BCAS4: variants seen among roughly 807,000 people sequenced by gnomAD.
BCAS4 encodes breast carcinoma-amplified sequence 4.
Under a neutral mutation model 15.7 loss-of-function variants are expected in BCAS4, and 9 were observed. The ratio of observed to expected loss-of-function variants is 0.57; its 90% CI spans 0.34 to 1.00. The LOEUF is 1.00. Among genes scored for constraint, BCAS4 ranks in the 50% least tolerant of loss-of-function variants. The pLI is 0.02. For synonymous variants in BCAS4, 101 were observed against 99.5 expected, an observed-to-expected ratio of 1.02 and a Z score of -0.09; for missense variants, 225 against 239.1, an observed-to-expected ratio of 0.94 and a Z score of 0.39.
intron 1 of BCAS4, among the ~76,000 whole-genome samples, chr20:50,810,890 A>ACC (rs927136183): frequency 1.3e-5 from 2 of 152,076 alleles, no homozygotes; most frequent in African/African-American, 4.8e-5. Flanking sequence ...ATGCCCGGCC[A>ACC]TGAAAAAAAT....
intron 1 of BCAS4, among the ~76,000 whole-genome samples, chr20:50,809,426 C>A (rs2088033924): frequency 6.6e-6 from 1 of 152,094 alleles, no homozygotes; most frequent in Non-Finnish European, 1.5e-5. Flanking sequence ...CCAGGTTAGT[C>A]TTGAACTCCT....
chr20:50,837,598 G>A (rs1568669983), intron 3 of BCAS4, among the ~76,000 whole-genome samples: 2 of 152,202 alleles, frequency 1.3e-5, no homozygotes, highest in Admixed American at 6.5e-5. Context: ...TAAGATTAGC[G>A]GTGGGCCCTC....
chr20:50,835,063 A>G (rs1433831257), intron 3 of BCAS4, among the ~76,000 whole-genome samples: 1 of 152,150 alleles, frequency 6.6e-6, no homozygotes. Flanking sequence ...TCTTTTGGGT[A>G]GATACCTAGG....
At chr20:50,794,968 C>T, upstream of BCAS4, 1 of 1,229,026 alleles carries the variant, frequency 8.1e-7, no homozygotes, top group Non-Finnish European at 1.0e-6. Flanking sequence ...GCACCTGCCC[C>T]GCCTCCGCCA....
At chr20:50,853,414 A>G (rs1183119975) in intron 4 of BCAS4, among the ~76,000 whole-genome samples, 1 of 152,066 alleles carries the variant, frequency 6.6e-6, no homozygotes, top group East Asian at 1.9e-4. Context: ...CAAAAGGATT[A>G]CAGGTGTAAG....
chr20:50,820,138 T>C (rs1297070903), intron 2 of BCAS4, among the ~76,000 whole-genome samples: 1 of 152,236 alleles, frequency 6.6e-6, no homozygotes, highest in Non-Finnish European at 1.5e-5. Context: ...TGAGCCACCA[T>C]GCCCGGCTGC....
chr20:50,828,480 T>A (rs762487226), intron 2 of BCAS4, among the ~76,000 whole-genome samples: 15 of 151,926 alleles, frequency 9.9e-5, no homozygotes, highest in Non-Finnish European at 1.5e-4. Context: ...CAAAAAAAAA[T>A]TTTAAATAAA....
At chr20:50,830,517 T>G (rs1160214238) in intron 3 of BCAS4, 137 bp downstream of exon 3, 2 of 656,192 alleles carry the variant, frequency 3.0e-6, no homozygotes, top group Non-Finnish European at 5.1e-6. Flanking sequence ...AGTTGGGGAG[T>G]CTGCACTCAA....
chr20:50,836,680 G>A (rs1395683691), intron 3 of BCAS4, among the ~76,000 whole-genome samples: 1 of 152,092 alleles, frequency 6.6e-6, no homozygotes. Flanking sequence ...AAACCATGAG[G>A]TGACCTCTCA....
chr20:50,827,582 C>G (rs1373064623), intron 2 of BCAS4, among the ~76,000 whole-genome samples: 1 of 152,220 alleles, frequency 6.6e-6, no homozygotes, highest in Non-Finnish European at 1.5e-5. Context: ...GGCCATTTCA[C>G]TCTTGCAGGT....
At chr20:50,806,834 C>T (rs191774556) in intron 1 of BCAS4, among the ~76,000 whole-genome samples, 1 of 147,082 alleles carries the variant, frequency 6.8e-6, no homozygotes, top group South Asian at 2.2e-4. Context: ...AAGCATTTGT[C>T]CTTTGAGTTA....
At chr20:50,830,231 A>G (rs773397697) in intron 2 of BCAS4, 48 bp from the exon 3 acceptor site, 34 of 1,506,852 alleles carry the variant, frequency 2.3e-5, no homozygotes, top group Non-Finnish European at 3.1e-5. Flanking sequence ...AGGCAGGAGG[A>G]CACAGTGATG....
At chr20:50,836,781 G>C (rs561554822) in intron 3 of BCAS4, among the ~76,000 whole-genome samples, 20 of 152,296 alleles carry the variant, frequency 1.3e-4, no homozygotes, top group African/African-American at 3.8e-4. Context: ...CTGGAGTGCA[G>C]TGGTGCAGTC....
chr20:50,850,389 T>C (rs2123819690), intron 4 of BCAS4, among the ~76,000 whole-genome samples: 1 of 152,336 alleles, frequency 6.6e-6, no homozygotes. Flanking sequence ...TGGTCAGGTG[T>C]GTCTCTACCT....
At chr20:50,804,450 A>G (rs954914827) in intron 1 of BCAS4, among the ~76,000 whole-genome samples, 2 of 152,258 alleles carry the variant, frequency 1.3e-5, no homozygotes, top group African/African-American at 4.8e-5. Flanking sequence ...ATGACACTTT[A>G]GGTAACCATT....
At chr20:50,860,231 C>T (rs984627546) in intron 4 of BCAS4, among the ~76,000 whole-genome samples, 1 of 152,190 alleles carries the variant, frequency 6.6e-6, no homozygotes, top group African/African-American at 2.4e-5. Context: ...AGGATAGCAA[C>T]ATGAATCTGA....
chr20:50,838,750 A>G (rs953341347), intron 3 of BCAS4, among the ~76,000 whole-genome samples: 3 of 152,314 alleles, frequency 2.0e-5, no homozygotes, highest in Admixed American at 6.5e-5. Flanking sequence ...AGGCTAAGGC[A>G]GGAGAATTGC....
At chr20:50,798,312 C>CAA (rs888271806) in intron 1 of BCAS4, among the ~76,000 whole-genome samples, 1 of 151,014 alleles carries the variant, frequency 6.6e-6, no homozygotes, top group Non-Finnish European at 1.5e-5. Context: ...AACAAACAAA[C>CAA]AAAAAAAACC....
At chr20:50,839,228 C>A (rs2088447591) in intron 3 of BCAS4, among the ~76,000 whole-genome samples, 1 of 152,338 alleles carries the variant, frequency 6.6e-6, no homozygotes, top group Middle Eastern at 3.4e-3. Context: ...ACCTCTGCTG[C>A]CTTTAGCCAT....
Sources: allele counts gnomAD v4.1 joint callset (sites outside exome capture counted in the v4.1 genomes callset), GRCh38; gene constraint gnomAD v4.1.1; transcripts MANE v1.5; gene names NCBI Gene and HGNC (gene_info 2026-07-23, HGNC 2026-07-21).